The following PRORP variants were observed in gnomAD, a reference collection of about 807,000 sequenced individuals.
PRORP encodes the protein protein only RNase P catalytic subunit.
A neutral mutation model predicts 59.4 loss-of-function variants in PRORP; 51 were observed. The observed-to-expected ratio is 0.86, with a 90% confidence interval of 0.69 to 1.08. The LOEUF is 1.08. Ranked by LOEUF, PRORP falls within the 50% of genes least tolerant of loss-of-function variation. The pLI is 0.00. For missense variants in PRORP, 646 were observed against 690.3 expected, an observed-to-expected ratio of 0.94 and a Z score of 0.72; for synonymous variants, 231 against 245.6, an observed-to-expected ratio of 0.94 and a Z score of 0.55.
chr14:35,188,958 A>AG (rs1422966997), intron 5 of PRORP, among the ~76,000 whole-genome samples: 41 of 119,180 alleles, frequency 3.4e-4, no homozygotes, highest in Non-Finnish European at 1.5e-4. Flanking sequence ...AAAAAAAAAA[A>AG]AAAAAAGTAT....
chr14:35,235,599 C>G, intron 5 of PRORP: 1 of 488,652 alleles, frequency 2.0e-6, no homozygotes, highest in Admixed American at 3.2e-5. Flanking sequence ...GGGACGTCCC[C>G]TTTGCCAGCA....
chr14:35,132,906 T>TGTTTC (rs2047284577), intron 4 of PRORP, among the ~76,000 whole-genome samples: 1 of 93,626 alleles, frequency 1.1e-5, no homozygotes, highest in African/African-American at 5.8e-5. Context: ...AGTGTTTTTT[T>TGTTTC]GTTTTGTTTT....
intron 4 of PRORP, among the ~76,000 whole-genome samples, chr14:35,170,826 A>ATTTC (rs1256039423): frequency 6.6e-6 from 1 of 150,516 alleles, no homozygotes. Context: ...TTGCTTTAGC[A>ATTTC]TTTCTTTCTT....
rs921553282 is a variant in PRORP, at chr14:35,274,214, C to T, written c.*648C>T. Reference sequence around the variant, plus strand: ...CAGGGCTGGAGTGCAGTGACGTGATCACAGTTCACTGCAGCCTCAAACTCC... The same window carrying T: ...CAGGGCTGGAGTGCAGTGACGTGATTACAGTTCACTGCAGCCTCAAACTCC... On this transcript the variant is annotated 3_prime_UTR_variant, in exon 8 of 8. Coordinates refer to ENST00000534898, the MANE Select transcript of PRORP (RefSeq NM_014672.4). 1 of 152,058 alleles carries T rather than the reference C, an allele frequency of 6.6e-6. No individual in the cohort carries two copies. Among genetic ancestry groups the T allele is most frequent in the African/African-American group, 2.4e-5 (1 of 41,390 alleles). The allele number at this position is 152,058 out of a possible 1,614,324, so 9.4% of individuals were successfully genotyped here.
At chr14:35,242,152 T>A (rs2050384730) in intron 5 of PRORP, among the ~76,000 whole-genome samples, 1 of 152,208 alleles carries the variant, frequency 6.6e-6, no homozygotes, top group South Asian at 2.1e-4. Flanking sequence ...TGGAATGAAT[T>A]ATTTAAAGAA....
At chr14:35,132,589 A>C (rs112427544) in intron 4 of PRORP, among the ~76,000 whole-genome samples, 16,022 of 152,136 alleles carry the variant, frequency 0.11, 1,061 homozygotes, top group African/African-American at 0.19. Flanking sequence ...GTTTAAGACC[A>C]GCCTGGCCAA....
intron 4 of PRORP, among the ~76,000 whole-genome samples, chr14:35,147,099 A>G (rs1439353544): frequency 6.6e-6 from 1 of 152,166 alleles, no homozygotes; most frequent in Non-Finnish European, 1.5e-5. Context: ...CTCTGCCTCT[A>G]AACAACAACA....
rs190427193 is a variant in PRORP, at chr14:35,164,611, A to G, written c.1168-16059A>G. ...GAGCATACATGGACATAAACATGGG[A>G]ACAACAGACACTGCAGACTGCTAGA... On this transcript the variant is annotated intron_variant, in intron 4 of 7. Coordinates refer to ENST00000534898, the MANE Select transcript of PRORP (RefSeq NM_014672.4). Among the ~76,000 whole-genome samples, 47 of 152,306 alleles carry G rather than the reference A, an allele frequency of 3.1e-4. No individual in the cohort carries two copies. The East Asian group carries it at 6.8e-3, about 22-fold the overall frequency.
At chr14:35,127,860 TG>T (rs138722892) in intron 4 of PRORP, among the ~76,000 whole-genome samples, 16,355 of 152,162 alleles carry the variant, frequency 0.11, 1,112 homozygotes, top group African/African-American at 0.2. Context: ...TGACTACAAT[TG>T]CCAACCTTTC....
At chr14:35,204,020 A>G (rs142053567) in intron 5 of PRORP, among the ~76,000 whole-genome samples, 397 of 152,336 alleles carry the variant, frequency 2.6e-3, no homozygotes, top group Non-Finnish European at 4.2e-3. Flanking sequence ...TACATATTGT[A>G]TAGTTATCTT....
Position 35,124,001 on chromosome 14 carries a change from G to A in PRORP, c.756G>A (p.Gln252=). The part of the protein sequence containing the change: ...PSKKNYNDCI[Q]GALLHQDVNT... The stretch of plus-strand genomic sequence containing the variant: ...AAAAGAACTATAATGACTGTATCCA[G>A]GGAGCTCTCCTTCATCAAGATGTAA... The change falls in exon 2 of 8, where the codon CAG becomes CAA. Residue 252 remains glutamine (Q), a synonymous_variant. Transcript: ENST00000534898. 4 of 1,614,020 alleles carry A rather than the reference G, an allele frequency of 2.5e-6. No individual in the cohort carries two copies. Among genetic ancestry groups the A allele is most frequent in the Non-Finnish European group, 3.4e-6 (4 of 1,180,002 alleles).
chr14:35,218,817 C>G (rs745760372), intron 5 of PRORP, among the ~76,000 whole-genome samples: 1 of 152,086 alleles, frequency 6.6e-6, no homozygotes, highest in African/African-American at 2.4e-5. Context: ...TGAGCCACCA[C>G]GCCTGGCCAA....
At chr14:35,174,465 G>GT (rs1228559188) in intron 4 of PRORP, among the ~76,000 whole-genome samples, 1 of 151,898 alleles carries the variant, frequency 6.6e-6, no homozygotes, top group Non-Finnish European at 1.5e-5. Flanking sequence ...TTAAGTTGGG[G>GT]TTTTTTTGTT....
At chr14:35,235,512 C>A (rs1463291473) in intron 5 of PRORP, 2 of 598,158 alleles carry the variant, frequency 3.3e-6, no homozygotes, top group Non-Finnish European at 6.3e-6. Flanking sequence ...GCAGTCACCA[C>A]CAGCTGAGCC....
intron 5 of PRORP, among the ~76,000 whole-genome samples, chr14:35,266,092 T>C (rs1274064297): frequency 2.7e-5 from 4 of 148,910 alleles, no homozygotes; most frequent in Admixed American, 2.7e-4. Flanking sequence ...CTGAAGCGGG[T>C]GGGTCACCTG....
rs780044102 is a variant in PRORP, at chr14:35,124,167, C to G, written c.922C>G (p.Leu308Val). The G allele has an allele frequency of 6.2e-7, 1 of 1,603,086 alleles. No homozygotes were observed. The highest frequency in any genetic ancestry group is 1.1e-5 in the South Asian group (1 of 89,784). The change falls in exon 2 of 8, where the codon CTA (leucine) becomes GTA (valine). Residue 308 changes from leucine to valine, a missense_variant. By Grantham distance (32) the Leu-to-Val change is conservative. Coordinates refer to ENST00000534898, the MANE Select transcript of PRORP (RefSeq NM_014672.4). ...SNKLLDILSY[L>V]RNNQLYPGES... Reference sequence around the variant, plus strand: ...TAAACTACTAGATATTCTTTCATATCTAAGAAATAATCAGCTGTATCCAGG... The same window carrying G: ...TAAACTACTAGATATTCTTTCATATGTAAGAAATAATCAGCTGTATCCAGG...
intron 5 of PRORP, among the ~76,000 whole-genome samples, chr14:35,236,096 CAAAAAA>C (rs59458917): frequency 1.9e-4 from 12 of 62,452 alleles, no homozygotes; most frequent in African/African-American, 6.2e-4. Context: ...ACCCCATCTC[CAAAAAA>C]AAAAAAAAAA....
At chr14:35,167,694 T>G (rs55758852) in intron 4 of PRORP, among the ~76,000 whole-genome samples, 28,049 of 152,168 alleles carry the variant, frequency 0.18, 2,845 homozygotes, top group Admixed American at 0.27. Flanking sequence ...ATTTTTTATT[T>G]TTGTTCGCAT....
chr14:35,160,976 C>G (rs982162509), intron 4 of PRORP, among the ~76,000 whole-genome samples: 2 of 152,134 alleles, frequency 1.3e-5, no homozygotes, highest in African/African-American at 2.4e-5. Flanking sequence ...ATCAGAATAC[C>G]TGGAAACAAC....
Sources: gnomAD v4.1 joint callset for allele counts (sites outside exome capture counted in the v4.1 genomes callset) on GRCh38, gnomAD v4.1.1 for gene constraint, MANE v1.5 for transcripts, NCBI Gene and HGNC (gene_info 2026-07-23, HGNC 2026-07-21) for gene names.